GSX2: variants seen among roughly 807,000 people sequenced by gnomAD.
GSX2 encodes the protein genetic-screened homeobox 2.
A neutral mutation model predicts 19.2 loss-of-function variants in GSX2; 16 were observed. The observed-to-expected ratio is 0.84, with a 90% CI of 0.57 to 1.27. GSX2 has a LOEUF of 1.27. Among genes scored for constraint, GSX2 ranks in the 50% most tolerant of loss-of-function variants. GSX2 has a pLI of 0.00. For synonymous variants in GSX2, 217 were observed against 196.4 expected, an observed-to-expected ratio of 1.10 and a Z score of -0.88; for missense variants, 448 against 428.4, an observed-to-expected ratio of 1.05 and a Z score of -0.40.
At position 54,101,162 on chromosome 4, in the gene GSX2, T is replaced by G. The variant is rs1192564016; in HGVS notation, c.574+244T>G. 6.6e-6 allele frequency among the ~76,000 whole-genome samples: 1 copy of G among 152,232 alleles called. No homozygotes were observed. Among genetic ancestry groups the G allele is most frequent in the African/African-American group, 2.4e-5 (1 of 41,470 alleles). ...TGCTCGAGTATTGCCTTATTAATAC[T>G]GGGGCCTTAGGGACCTCGAACGTCA... On this transcript the variant is annotated intron_variant, in intron 1 of 1. Transcript: ENST00000326902. The surrounding 1 kb of genome is among the most constrained non-coding windows in gnomAD (Gnocchi z 5.0).
chr4:54,100,793 C>A lies in GSX2; in HGVS notation c.449C>A (p.Ala150Glu). The A allele has an allele frequency of 6.8e-7, 1 of 1,463,354 alleles. No individual in the cohort carries two copies. The highest frequency in any genetic ancestry group is 9.0e-7 in the Non-Finnish European group (1 of 1,115,222). 90.6% of individuals were successfully genotyped at this position (1,463,354 alleles called of 1,614,324 possible). A position where few individuals can be genotyped will look rare whatever the true frequency, so the allele number is the denominator to read the frequency against. Residue 150 changes from alanine (A) to glutamate (E), a missense_variant, in exon 1 of 2, where the codon GCG becomes GAG. By Grantham distance (107) the Ala-to-Glu change is moderately radical. Coordinates refer to ENST00000326902, the MANE Select transcript of GSX2 (RefSeq NM_133267.3). The stretch of plus-strand genomic sequence containing the variant: ...CAGCAGCCTGGCTCGGCCGCGGCGG[C>A]GGCAGCAGCAGCAGCGGCGGCGGCG... ...QPQQPGSAAAAAAAAAAAAAA... is the reference protein window; with the variant it reads ...QPQQPGSAAAEAAAAAAAAAA...
rs754099416 is a variant in GSX2, at chr4:54,100,565, G to C, written c.221G>C (p.Gly74Ala). 1 of 1,596,764 alleles carries C rather than the reference G, an allele frequency of 6.3e-7. No individual in the cohort carries two copies. The highest frequency in any genetic ancestry group is 1.1e-5 in the South Asian group (1 of 88,550). Residue 74 changes from glycine to alanine, a missense_variant, in exon 1 of 2, where the codon GGG (glycine) becomes GCG (alanine). Physicochemically the swap from Gly to Ala is moderately conservative, Grantham distance 60. Transcript: ENST00000326902. ...ACTTCGCACCTGCACTCCTCTCGGG[G>C]GTCTGTGGGCGCCGGCAGCGGGGGC... The part of the protein sequence containing the change: ...CVTSHLHSSR[G>A]SVGAGSGGAG...
Position 54,100,781 on chromosome 4 carries a change from C to T in GSX2, c.437C>T (p.Ser146Leu), listed in dbSNP as rs921321898. Residue 146 changes from serine (S) to leucine (L), a missense_variant, in exon 1 of 2, where the codon TCG (serine) becomes TTG (leucine). Coordinates refer to ENST00000326902, the MANE Select transcript of GSX2 (RefSeq NM_133267.3). ...HHHHQPQQPGSAAAAAAAAAA... is the reference protein window; with the variant it reads ...HHHHQPQQPGLAAAAAAAAAA... ...CATCATCAGCCCCAGCAGCCTGGCTCGGCCGCGGCGGCGGCAGCAGCAGCA... is the reference window on the plus strand; with the variant it reads ...CATCATCAGCCCCAGCAGCCTGGCTTGGCCGCGGCGGCGGCAGCAGCAGCA... The T allele has an allele frequency of 5.5e-6, 8 of 1,464,740 alleles. No homozygotes were observed. The highest frequency in any genetic ancestry group is 4.5e-5 in the African/African-American group (3 of 66,802). 90.7% of individuals were successfully genotyped at this position (1,464,740 alleles called of 1,614,324 possible). A position where few individuals can be genotyped will look rare whatever the true frequency, so the allele number is the denominator to read the frequency against.
In GSX2 at chr4:54,100,352, G is replaced by A. The variant is rs377377329; in HGVS notation, c.8G>A (p.Arg3His). 1.2e-6 allele frequency: 2 copies of A among 1,613,344 alleles called. No homozygotes were observed. Among genetic ancestry groups the A allele is most frequent in the Non-Finnish European group, 8.5e-7 (1 of 1,179,908 alleles). Residue 3 changes from arginine to histidine, a missense_variant, in exon 1 of 2, where the codon CGC becomes CAC. By Grantham distance (29) the Arg-to-His change is conservative. Coordinates refer to ENST00000326902, the MANE Select transcript of GSX2 (RefSeq NM_133267.3). Reference protein sequence around the residue: MSRSFYVDSLIIK... With the variant: MSHSFYVDSLIIK... ...CCACCCACCCCTCTCGACATGTCGCGCTCCTTCTATGTCGACTCGCTCATC... is the reference window on the plus strand; with the variant it reads ...CCACCCACCCCTCTCGACATGTCGCACTCCTTCTATGTCGACTCGCTCATC...
At position 54,100,482 on chromosome 4, in the gene GSX2, C is replaced by T; in HGVS notation, c.138C>T (p.Ser46=). 6.2e-7 allele frequency: 1 copy of T among 1,613,824 alleles called. No individual in the cohort carries two copies. Among genetic ancestry groups the T allele is most frequent in the African/African-American group, 1.3e-5 (1 of 75,042 alleles). Residue 46 remains serine, a synonymous_variant, in exon 1 of 2, where the codon TCC becomes TCT. Coordinates refer to ENST00000326902, the MANE Select transcript of GSX2 (RefSeq NM_133267.3). ...CGCCCCCATTGGTGATGTCCGTGTC[C>T]GGCCCCGGCTGCCCGTCCCGCAAGA... The part of the protein sequence containing the change: ...GMPPPLVMSV[S]GPGCPSRKSG...
rs1344598405 is a variant in GSX2, at chr4:54,101,337, A to T, written c.575-245A>T. 6.6e-6 allele frequency among the ~76,000 whole-genome samples: 1 copy of T among 152,224 alleles called. No individual in the cohort carries two copies. The highest frequency in any genetic ancestry group is 1.5e-5 in the Non-Finnish European group (1 of 68,046). ...GCTTGGCTCAAAGGGAGGCGATCAG[A>T]TAGTGCAAGCCCCCATCCCTCTTTA... On this transcript the variant is annotated intron_variant, in intron 1 of 1. Transcript: ENST00000326902. This position sits in a 1 kb window ranked among gnomAD's most constrained non-coding sequence, Gnocchi z 5.0.
chr4:54,100,794 G>A lies in GSX2; in HGVS notation c.450G>A (p.Ala150=). ...QPQQPGSAAA[A]AAAAAAAAAA... ...AGCAGCCTGGCTCGGCCGCGGCGGC[G>A]GCAGCAGCAGCAGCGGCGGCGGCGG... The change falls in exon 1 of 2, where the codon GCG becomes GCA. Residue 150 remains alanine (A), a synonymous_variant. Coordinates refer to ENST00000326902, the MANE Select transcript of GSX2 (RefSeq NM_133267.3). The A allele has an allele frequency of 6.8e-7, 1 of 1,461,634 alleles. No individual in the cohort carries two copies. Among genetic ancestry groups the A allele is most frequent in the Admixed American group, 3.2e-5 (1 of 31,104 alleles). The allele number at this position is 1,461,634 out of a possible 1,614,324, so 90.5% of individuals were successfully genotyped here. A position where few individuals can be genotyped will look rare whatever the true frequency, so the allele number is the denominator to read the frequency against.
At position 54,101,434 on chromosome 4, in the gene GSX2, G is replaced by T. The variant is rs916410181; in HGVS notation, c.575-148G>T. 1.6e-6 allele frequency: 1 copy of T among 613,558 alleles called. No homozygotes were observed. Among genetic ancestry groups the T allele is most frequent in the Non-Finnish European group, 2.9e-6 (1 of 342,280 alleles). The allele number at this position is 613,558 out of a possible 1,614,324, so 38.0% of individuals were successfully genotyped here. A position where few individuals can be genotyped will look rare whatever the true frequency, so the allele number is the denominator to read the frequency against. On this transcript the variant is annotated intron_variant, in intron 1 of 1. Coordinates refer to ENST00000326902, the MANE Select transcript of GSX2 (RefSeq NM_133267.3). The surrounding 1 kb of genome is among the most constrained non-coding windows in gnomAD (Gnocchi z 5.0). ...GCACGTCTCTTTTCTTCCCCGCTAAGCAACCACGTGCCTTGAAATGGGAAA... is the reference window on the plus strand; with the variant it reads ...GCACGTCTCTTTTCTTCCCCGCTAATCAACCACGTGCCTTGAAATGGGAAA...
Position 54,100,577 on chromosome 4 carries a change from C to A in GSX2, c.233C>A (p.Ala78Asp). Residue 78 changes from alanine to aspartate, a missense_variant, in exon 1 of 2, where the codon GCC becomes GAC. By Grantham distance (126) the Ala-to-Asp change is moderately radical. Transcript: ENST00000326902. Reference sequence around the variant, plus strand: ...CACTCCTCTCGGGGGTCTGTGGGCGCCGGCAGCGGGGGCGCAGGGGCCGGG... The same window carrying A: ...CACTCCTCTCGGGGGTCTGTGGGCGACGGCAGCGGGGGCGCAGGGGCCGGG... ...HLHSSRGSVG[A>D]GSGGAGAGVT... 1 of 1,582,502 alleles carries A rather than the reference C, an allele frequency of 6.3e-7. No homozygotes were observed.
Position 54,100,464 on chromosome 4 carries a change from A to C in GSX2, c.120A>C (p.Pro40=). The change falls in exon 1 of 2, where the codon CCA becomes CCC. Residue 40 remains proline (P), a synonymous_variant. Transcript: ENST00000326902. The stretch of plus-strand genomic sequence containing the variant: ...TCATCCCGCTTGGCATGCCGCCCCC[A>C]TTGGTGATGTCCGTGTCCGGCCCCG... The part of the protein sequence containing the change: ...DFFIPLGMPP[P]LVMSVSGPGC... The C allele has an allele frequency of 6.2e-7, 1 of 1,613,388 alleles. No individual in the cohort carries two copies. The highest frequency in any genetic ancestry group is 1.1e-5 in the South Asian group (1 of 91,058).
chr4:54,101,454 G>C lies in GSX2; in HGVS notation c.575-128G>C. 1 of 631,338 alleles carries C rather than the reference G, an allele frequency of 1.6e-6. No individual in the cohort carries two copies. Among genetic ancestry groups the C allele is most frequent in the Non-Finnish European group, 2.8e-6 (1 of 353,438 alleles). The allele number at this position is 631,338 out of a possible 1,614,324, so 39.1% of individuals were successfully genotyped here. A position where few individuals can be genotyped will look rare whatever the true frequency, so the allele number is the denominator to read the frequency against. ...GCTAAGCAACCACGTGCCTTGAAAT[G>C]GGAAAGGGATACAGATGTTCGGCTG... is the stretch of plus-strand genomic sequence containing the variant. On this transcript the variant is annotated intron_variant, in intron 1 of 1. Coordinates refer to ENST00000326902, the MANE Select transcript of GSX2 (RefSeq NM_133267.3). This position sits in a 1 kb window ranked among gnomAD's most constrained non-coding sequence, Gnocchi z 5.0.
Position 54,100,278 on chromosome 4 carries a change from CT to C in GSX2, c.-65del. On this transcript the variant is annotated 5_prime_UTR_variant, in exon 1 of 2. Transcript: ENST00000326902. The stretch of plus-strand genomic sequence containing the variant: ...TGTCTGCGCGGCTCCCAGGGCAGAG[CT>C]TAGAACACTAGAGGAGAGGGGTCGC... 6.3e-7 allele frequency: 1 copy of C among 1,588,828 alleles called. No individual in the cohort carries two copies. The highest frequency in any genetic ancestry group is 8.5e-7 in the Non-Finnish European group (1 of 1,172,138).
intron 1 of GSX2, 45 bp downstream of exon 1, chr4:54,100,963 T>C: frequency 6.7e-7 from 1 of 1,499,404 alleles, no homozygotes; most frequent in Non-Finnish European, 8.9e-7. Flanking sequence ...CCTTTCGCGC[T>C]CCTGGAGCAA....
rs1718185624 is a variant in GSX2 at position 54,102,002 on chromosome 4, C to T, written c.*80C>T. 2.5e-6 allele frequency: 3 copies of T among 1,223,902 alleles called. No homozygotes were observed. Among genetic ancestry groups the T allele is most frequent in the Non-Finnish European group, 3.4e-6 (3 of 887,602 alleles). The allele number at this position is 1,223,902 out of a possible 1,614,324, so 75.8% of individuals were successfully genotyped here. A position where few individuals can be genotyped will look rare whatever the true frequency, so the allele number is the denominator to read the frequency against. On this transcript the variant is annotated 3_prime_UTR_variant, in exon 2 of 2. Transcript: ENST00000326902. ...GCGTGGGGCACCCAGGGGCCAGAAT[C>T]CTTGCTCATTGCAGTGGTCCCATCT...
In GSX2 at chr4:54,101,455, G is replaced by C. The variant is rs949208524; in HGVS notation, c.575-127G>C. 10 of 632,578 alleles carry C rather than the reference G, an allele frequency of 1.6e-5. No homozygotes were observed. Among genetic ancestry groups the C allele is most frequent in the Non-Finnish European group, 2.5e-5 (9 of 354,476 alleles). The allele number at this position is 632,578 out of a possible 1,614,324, so 39.2% of individuals were successfully genotyped here. On this transcript the variant is annotated intron_variant, in intron 1 of 1. Transcript: ENST00000326902. The surrounding 1 kb of genome is among the most constrained non-coding windows in gnomAD (Gnocchi z 5.0). ...CTAAGCAACCACGTGCCTTGAAATG[G>C]GAAAGGGATACAGATGTTCGGCTGG...
At position 54,100,912 on chromosome 4, in the gene GSX2, A is replaced by G; in HGVS notation, c.568A>G (p.Thr190Ala). The G allele has an allele frequency of 1.3e-6, 2 of 1,563,422 alleles. No homozygotes were observed. Among genetic ancestry groups the G allele is most frequent in the Non-Finnish European group, 1.7e-6 (2 of 1,162,152 alleles). Residue 190 changes from threonine to alanine, a missense_variant, in exon 1 of 2, where the codon ACC becomes GCC. Physicochemically the swap from Thr to Ala is moderately conservative, Grantham distance 58. Transcript: ENST00000326902. ...VADPRRFHCL[T>A]MGGSDASQVP... Reference sequence around the variant, plus strand: ...GGACCCGCGGAGATTCCACTGCCTCACCATGGGTAGGGCGGGGTCTTGGGG... The same window carrying G: ...GGACCCGCGGAGATTCCACTGCCTCGCCATGGGTAGGGCGGGGTCTTGGGG...
At position 54,100,515 on chromosome 4, in the gene GSX2, G is replaced by T; in HGVS notation, c.171G>T (p.Ala57=). ...GCTGCCCGTCCCGCAAGAGCGGCGC[G>T]TTCTGCGTGTGCCCTCTCTGCGTCA... is the stretch of plus-strand genomic sequence containing the variant. ...GPGCPSRKSG[A]FCVCPLCVTS... The change falls in exon 1 of 2, where the codon GCG becomes GCT. Residue 57 remains alanine, a synonymous_variant. Coordinates refer to ENST00000326902, the MANE Select transcript of GSX2 (RefSeq NM_133267.3). The T allele has an allele frequency of 6.2e-7, 1 of 1,613,174 alleles. No homozygotes were observed. Among genetic ancestry groups the T allele is most frequent in the Non-Finnish European group, 8.5e-7 (1 of 1,179,828 alleles).
rs746295095 is a variant in GSX2, at chr4:54,101,543, C to G, written c.575-39C>G. Reference sequence around the variant, plus strand: ...GCACATGGGGTGGGAGCACCTTGCCCGAGCCTTACCTCTCTACCCTCTCTT... The same window carrying G: ...GCACATGGGGTGGGAGCACCTTGCCGGAGCCTTACCTCTCTACCCTCTCTT... On this transcript the variant is annotated intron_variant, in intron 1 of 1. Transcript: ENST00000326902. The surrounding 1 kb of genome is among the most constrained non-coding windows in gnomAD (Gnocchi z 5.0). The G allele has an allele frequency of 1.4e-6, 2 of 1,469,212 alleles. No homozygotes were observed. Among genetic ancestry groups the G allele is most frequent in the Admixed American group, 3.5e-5 (2 of 56,576 alleles). The allele number at this position is 1,469,212 out of a possible 1,614,324, so 91.0% of individuals were successfully genotyped here.
chr4:54,100,806 AGCG>A lies in GSX2; in HGVS notation c.474_476del (p.Ala162del), dbSNP rs751324689. 9 of 1,453,112 alleles carry A rather than the reference AGCG, an allele frequency of 6.2e-6. No individual in the cohort carries two copies. The highest frequency in any genetic ancestry group is 5.7e-5 in the South Asian group (4 of 69,816). The allele number at this position is 1,453,112 out of a possible 1,614,324, so 90.0% of individuals were successfully genotyped here. A position where few individuals can be genotyped will look rare whatever the true frequency, so the allele number is the denominator to read the frequency against. On this transcript the variant is annotated inframe_deletion, in exon 1 of 2. Transcript: ENST00000326902. ...CGGCCGCGGCGGCGGCAGCAGCAGC[AGCG>A]GCGGCGGCGGCCGCGGCGGCCTTGG...
Sources: gnomAD v4.1 joint callset for allele counts (sites outside exome capture counted in the v4.1 genomes callset) on GRCh38, gnomAD v4.1.1 for gene constraint, Gnocchi (gnomAD v3.1) non-coding constraint, MANE v1.5 for transcripts, NCBI Gene and HGNC (gene_info 2026-07-23, HGNC 2026-07-21) for gene names.